The following FRMPD4 variants were observed in gnomAD, a reference collection of about 807,000 sequenced individuals.
The protein encoded by FRMPD4 is FERM and PDZ domain containing 4.
In FRMPD4, 22 loss-of-function variants were observed where a neutral mutation model predicts 94.1. That is an observed-to-expected ratio of 0.23 (90% CI 0.17 to 0.33). The LOEUF (loss-of-function observed/expected upper bound fraction) is 0.33, where lower values mean the gene tolerates loss of function less well. Ranked by LOEUF, FRMPD4 falls within the 10% of genes least tolerant of loss-of-function variation. FRMPD4 has a pLI of 1.00. For synonymous variants in FRMPD4, 631 were observed against 548.6 expected (o/e 1.15, Z -2.10); for missense variants, 1,111 against 1,339.9 (o/e 0.83, Z 2.67).
chrX:11,902,470 C>T (rs778353774), intron 3 of FRMPD4, among the ~76,000 whole-genome samples: 2 of 111,693 alleles, frequency 1.8e-5, no homozygotes, highest in South Asian at 7.7e-4. Flanking sequence ...CAAGAGAGCA[C>T]TCTGGTCCCT....
At chrX:12,455,726 T>G (rs1230017057) in intron 1 of FRMPD4, among the ~76,000 whole-genome samples, 1 of 112,205 alleles carries the variant, frequency 8.9e-6, no homozygotes, top group African/African-American at 3.2e-5. Context: ...TCAATCTTAA[T>G]GCACTGAAGG....
chrX:12,699,917 C>T (rs1204826161), intron 9 of FRMPD4, among the ~76,000 whole-genome samples: 2 of 112,176 alleles, frequency 1.8e-5, no homozygotes, highest in Non-Finnish European at 3.8e-5. Flanking sequence ...CTAGCAAGGC[C>T]TAGATTCTTC....
intron 14 of FRMPD4, among the ~76,000 whole-genome samples, chrX:12,711,906 C>T (rs946604108): frequency 5.4e-5 from 6 of 110,521 alleles, no homozygotes; most frequent in South Asian, 7.9e-4. Flanking sequence ...CACTTAAACA[C>T]GCATACAGAC....
intron 3 of FRMPD4, among the ~76,000 whole-genome samples, chrX:11,892,516 C>T (rs1323318593): frequency 8.9e-6 from 1 of 111,958 alleles, no homozygotes; most frequent in African/African-American, 3.2e-5. Context: ...CTCCTTCACT[C>T]CCGCACATCT....
chrX:11,992,342 A>G (rs184685202), intron 3 of FRMPD4, among the ~76,000 whole-genome samples: 46 of 112,047 alleles, frequency 4.1e-4, no homozygotes, highest in Middle Eastern at 4.6e-3. Context: ...AAGAGCTCAC[A>G]GGATTTCTAT....
chrX:12,342,973 G>T (rs758423584), intron 1 of FRMPD4, among the ~76,000 whole-genome samples: 1 of 111,975 alleles, frequency 8.9e-6, no homozygotes, highest in African/African-American at 3.2e-5. Context: ...CCTGGTTTCC[G>T]AGGCCATAAG....
At chrX:11,823,534 G>A (rs2053423887) in intron 1 of FRMPD4, among the ~76,000 whole-genome samples, 1 of 110,595 alleles carries the variant, frequency 9.0e-6, no homozygotes, top group Admixed American at 9.7e-5. Context: ...TAAAATTGGA[G>A]CTCATGTGAC....
At chrX:12,130,027 A>G (rs949416718) in intron 3 of FRMPD4, among the ~76,000 whole-genome samples, 3 of 110,236 alleles carry the variant, frequency 2.7e-5, no homozygotes, top group Non-Finnish European at 3.8e-5. Context: ...CTCTGCATCA[A>G]TTAGGCATGC....
In FRMPD4 at chrX:12,717,094, C is replaced by G. The variant is rs1194989282; in HGVS notation, c.2635C>G (p.Leu879Val). The G allele has an allele frequency of 3.4e-6, 4 of 1,186,757 alleles. No individual in the cohort carries two copies. The African/African-American group carries it at 5.3e-5, about 16-fold the overall frequency. The part of the protein sequence containing the change: ...VVSTLGALEA[L>V]SVSEEQQTSD... ...CTCCACGCTGGGAGCTCTAGAGGCTCTATCCGTGTCAGAAGAACAGCAGAC... is the reference window on the plus strand; with the variant it reads ...CTCCACGCTGGGAGCTCTAGAGGCTGTATCCGTGTCAGAAGAACAGCAGAC... Residue 879 changes from leucine (L) to valine (V), a missense_variant, in exon 15 of 17, where the codon CTA becomes GTA. This residue lies in a region of FRMPD4 where 74 missense variants were observed against 93.9 expected (regional missense o/e 0.79). Coordinates refer to ENST00000675598, the MANE Select transcript of FRMPD4 (RefSeq NM_001368397.1).
At chrX:12,330,199 G>A (rs1408084059) in intron 1 of FRMPD4, among the ~76,000 whole-genome samples, 1 of 110,875 alleles carries the variant, frequency 9.0e-6, no homozygotes, top group African/African-American at 3.3e-5. Flanking sequence ...ATGTGACTTT[G>A]GACACAGCAC....
chrX:11,994,885 CT>C (rs2054488473), intron 3 of FRMPD4, among the ~76,000 whole-genome samples: 1 of 111,529 alleles, frequency 9.0e-6, no homozygotes, highest in South Asian at 3.7e-4. Flanking sequence ...GATGCTTAGT[CT>C]TTCATTCCAG....
intron 3 of FRMPD4, among the ~76,000 whole-genome samples, chrX:11,962,093 A>G (rs2054286976): frequency 1.8e-5 from 2 of 112,695 alleles, no homozygotes; most frequent in Admixed American, 1.9e-4. Context: ...AAGACCTCTC[A>G]TAAAGCTGCT....
intron 1 of FRMPD4, among the ~76,000 whole-genome samples, chrX:12,145,393 G>A (rs1017766558): frequency 2.7e-5 from 3 of 112,125 alleles, no homozygotes; most frequent in African/African-American, 9.7e-5. Flanking sequence ...TGAAGTTCAC[G>A]ATCCAAGTCA....
At chrX:12,702,366 G>A (rs1298981825) in intron 10 of FRMPD4, among the ~76,000 whole-genome samples, 1 of 111,863 alleles carries the variant, frequency 8.9e-6, no homozygotes, top group Non-Finnish European at 1.9e-5. Context: ...TTTTACAGAC[G>A]AGCAAACCGA....
intron 1 of FRMPD4, among the ~76,000 whole-genome samples, chrX:11,831,558 C>T (rs1321468194): frequency 1.8e-5 from 2 of 111,570 alleles, no homozygotes; most frequent in Admixed American, 9.5e-5. Flanking sequence ...AGGAGAGACA[C>T]ACATTTAGAG....
At chrX:12,216,567 A>G (rs1440466300) in intron 1 of FRMPD4, among the ~76,000 whole-genome samples, 1 of 111,352 alleles carries the variant, frequency 9.0e-6, no homozygotes, top group East Asian at 2.8e-4. Flanking sequence ...TGGTGTGACT[A>G]TCTTTGGAAT....
At chrX:12,550,354 A>G (rs1433124038) in intron 2 of FRMPD4, among the ~76,000 whole-genome samples, 2 of 50,754 alleles carry the variant, frequency 3.9e-5, no homozygotes, top group Non-Finnish European at 1.0e-4. Context: ...CCAAGCCAAA[A>G]TGTAAAAAAA....
chrX:12,282,786 AG>A (rs1428828621), intron 1 of FRMPD4, among the ~76,000 whole-genome samples: 2 of 111,991 alleles, frequency 1.8e-5, no homozygotes, highest in Non-Finnish European at 3.8e-5. Context: ...TTGGCCAGTC[AG>A]CCACACAAAC....
At chrX:12,104,400 C>T (rs1249122951) in intron 3 of FRMPD4, among the ~76,000 whole-genome samples, 1 of 112,148 alleles carries the variant, frequency 8.9e-6, no homozygotes, top group Non-Finnish European at 1.9e-5. Flanking sequence ...TGTAGATTTA[C>T]TCATTTCAGA....
Sources: allele counts gnomAD v4.1 joint callset (sites outside exome capture counted in the v4.1 genomes callset), GRCh38; gene constraint gnomAD v4.1.1; regional missense constraint gnomAD v4.1.1; transcripts MANE v1.5; gene names NCBI Gene and HGNC (gene_info 2026-07-23, HGNC 2026-07-21).